SPAG16: variants seen among roughly 807,000 people sequenced by gnomAD.
SPAG16 encodes sperm associated antigen 16.
SPAG16 carries 86 observed loss-of-function variants against 80.4 expected under a neutral mutation model. That is an observed-to-expected ratio of 1.07 (90% CI 0.90 to 1.28). The LOEUF (loss-of-function observed/expected upper bound fraction) is 1.28, where lower values mean the gene tolerates loss of function less well. Among genes scored for constraint, SPAG16 ranks in the 50% most tolerant of loss-of-function variants. SPAG16 has a pLI of 0.00. For missense variants in SPAG16, 870 were observed against 765.3 expected (o/e 1.14, Z -1.61); for synonymous variants, 294 against 265.9 (o/e 1.11, Z -1.03).
At chr2:214,319,200 C>CACACACACACACA (rs140486125) in intron 15 of SPAG16, among the ~76,000 whole-genome samples, 6 of 142,340 alleles carry the variant, frequency 4.2e-5, no homozygotes, top group Admixed American at 1.4e-4. Context: ...CACACACACA[C>CACACACACACACA]CACACACACA....
chr2:214,320,657 G>A (rs568473026), intron 15 of SPAG16, among the ~76,000 whole-genome samples: 9 of 152,290 alleles, frequency 5.9e-5, no homozygotes, highest in African/African-American at 2.2e-4. Flanking sequence ...GAAGGGCTGT[G>A]CAAAGGGGGC....
chr2:213,667,193 A>G (rs977170452), intron 10 of SPAG16, among the ~76,000 whole-genome samples: 1 of 152,226 alleles, frequency 6.6e-6, no homozygotes, highest in South Asian at 2.1e-4. Flanking sequence ...TCAGTCACGG[A>G]CTGGAACCAT....
chr2:214,392,149 C>T (rs941332668), intron 15 of SPAG16, among the ~76,000 whole-genome samples: 3 of 152,026 alleles, frequency 2.0e-5, no homozygotes, highest in African/African-American at 7.2e-5. Flanking sequence ...CAGCTTGCCA[C>T]TCAGTCTCAG....
chr2:214,263,681 C>T (rs1281024186), intron 15 of SPAG16, among the ~76,000 whole-genome samples: 1 of 152,154 alleles, frequency 6.6e-6, no homozygotes, highest in Non-Finnish European at 1.5e-5. Context: ...CTCCTTAGCA[C>T]TTGGCTGAAA....
intron 15 of SPAG16, among the ~76,000 whole-genome samples, chr2:214,221,100 C>T (rs2058555604): frequency 1.3e-5 from 2 of 152,044 alleles, no homozygotes; most frequent in Admixed American, 1.3e-4. Context: ...TTAGAATTTC[C>T]CCATAAGAAA....
chr2:213,350,364 G>T (rs2065260142), intron 6 of SPAG16, among the ~76,000 whole-genome samples, 164 bp from the exon 7 acceptor site: 1 of 152,058 alleles, frequency 6.6e-6, no homozygotes, highest in Admixed American at 6.6e-5. Flanking sequence ...CAGTGAAGTT[G>T]TATGCTTTTT....
At chr2:213,583,269 A>T (rs1376240217) in intron 10 of SPAG16, among the ~76,000 whole-genome samples, 3 of 152,198 alleles carry the variant, frequency 2.0e-5, no homozygotes, top group Admixed American at 6.5e-5. Context: ...GTGCATGAAC[A>T]GTCTGTACCT....
intron 13 of SPAG16, among the ~76,000 whole-genome samples, chr2:214,100,064 AGT>A (rs750724026): frequency 5.9e-5 from 9 of 151,944 alleles, no homozygotes; most frequent in Non-Finnish European, 8.8e-5. Context: ...TCGTGGGGGC[AGT>A]GTCCCCCATG....
intron 13 of SPAG16, among the ~76,000 whole-genome samples, chr2:214,052,809 T>G (rs1256912808): frequency 1.3e-5 from 2 of 152,094 alleles, no homozygotes; most frequent in African/African-American, 4.8e-5. Flanking sequence ...AAAAAATGAA[T>G]ATTAACTAAA....
intron 9 of SPAG16, among the ~76,000 whole-genome samples, chr2:213,475,772 A>G: frequency 6.6e-6 from 1 of 152,186 alleles, no homozygotes; most frequent in South Asian, 2.1e-4. Flanking sequence ...AGTAATGGTA[A>G]GGTGAAGCTA....
intron 9 of SPAG16, among the ~76,000 whole-genome samples, chr2:213,439,485 C>T (rs1335789087): frequency 6.6e-6 from 1 of 152,142 alleles, no homozygotes; most frequent in Non-Finnish European, 1.5e-5. Context: ...TGGCAGAAAG[C>T]TTAATGGAAT....
chr2:214,264,058 C>T (rs1691368972), intron 15 of SPAG16, among the ~76,000 whole-genome samples: 1 of 152,122 alleles, frequency 6.6e-6, no homozygotes, highest in African/African-American at 2.4e-5. Context: ...AATTTCAGAA[C>T]ATTTAAATTT....
At chr2:213,797,848 C>T (rs529474431) in intron 10 of SPAG16, among the ~76,000 whole-genome samples, 1 of 152,178 alleles carries the variant, frequency 6.6e-6, no homozygotes, top group Non-Finnish European at 1.5e-5. Flanking sequence ...AGGAGTAGAG[C>T]TGCTGTCTTA....
chr2:214,192,600 T>C (rs2057698339), intron 15 of SPAG16, among the ~76,000 whole-genome samples: 1 of 151,194 alleles, frequency 6.6e-6, no homozygotes, highest in Admixed American at 6.6e-5. Flanking sequence ...TAGTTTGTTC[T>C]GTTTATTGCA....
chr2:213,821,750 T>G (rs2072953544), intron 10 of SPAG16, among the ~76,000 whole-genome samples: 1 of 152,174 alleles, frequency 6.6e-6, no homozygotes, highest in African/African-American at 2.4e-5. Context: ...ACTATCTGTC[T>G]ACAAGAGTTC....
intron 7 of SPAG16, among the ~76,000 whole-genome samples, chr2:213,360,501 G>C (rs1246474190): frequency 1.3e-5 from 2 of 152,192 alleles, no homozygotes; most frequent in South Asian, 2.1e-4. Flanking sequence ...ACAGAATATA[G>C]TCCTAGTCCT....
chr2:214,193,345 T>C (rs1214773062), intron 15 of SPAG16, among the ~76,000 whole-genome samples: 1 of 151,778 alleles, frequency 6.6e-6, no homozygotes, highest in Non-Finnish European at 1.5e-5. Context: ...AATTAAAATT[T>C]TAAGAGCTTT....
At chr2:213,734,451 C>T (rs1451434376) in intron 10 of SPAG16, among the ~76,000 whole-genome samples, 1 of 152,164 alleles carries the variant, frequency 6.6e-6, no homozygotes, top group Non-Finnish European at 1.5e-5. Context: ...ATTTTTCCTT[C>T]TTCCAAAATA....
chr2:213,440,556 A>AAACAAC (rs368614647), intron 9 of SPAG16, among the ~76,000 whole-genome samples: 1,982 of 151,726 alleles, frequency 0.013, 18 homozygotes, highest in South Asian at 0.035. Context: ...CTCCATCTCA[A>AAACAAC]AACAACAACA....
Sources: allele counts gnomAD v4.1 joint callset (sites outside exome capture counted in the v4.1 genomes callset), GRCh38; gene constraint gnomAD v4.1.1; transcripts MANE v1.5; gene names NCBI Gene and HGNC (gene_info 2026-07-23, HGNC 2026-07-21).